SCAF8: variants seen among roughly 807,000 people sequenced by gnomAD.
The protein encoded by SCAF8 is SR-related and CTD-associated factor 8.
A neutral mutation model predicts 140.5 loss-of-function variants in SCAF8; 23 were observed. The observed-to-expected ratio is 0.16, with a 90% confidence interval of 0.12 to 0.23. The LOEUF (loss-of-function observed/expected upper bound fraction) is 0.23, where lower values mean the gene tolerates loss of function less well. Among genes scored for constraint, SCAF8 ranks in the 10% least tolerant of loss-of-function variants. SCAF8 has a pLI of 1.00. For missense variants in SCAF8, 1,397 were observed against 1,555.7 expected, an observed-to-expected ratio of 0.90 and a Z score of 1.72; for synonymous variants, 575 against 528.9, an observed-to-expected ratio of 1.09 and a Z score of -1.20.
At chr6:154,737,730 C>G (rs1403898451) in intron 1 of SCAF8, among the ~76,000 whole-genome samples, 1 of 151,950 alleles carries the variant, frequency 6.6e-6, no homozygotes, top group Admixed American at 6.6e-5. Context: ...TCGCTGTTGA[C>G]AGGTCACCAC....
At chr6:154,820,369 A>T in intron 15 of SCAF8, 36 bp downstream of exon 15, 1 of 1,555,866 alleles carries the variant, frequency 6.4e-7, no homozygotes, top group Non-Finnish European at 8.8e-7. Flanking sequence ...GTTAAAAAAA[A>T]GTATGCTTAG....
At chr6:154,778,072 G>T in intron 3 of SCAF8, 27 bp downstream of exon 3, 2 of 1,356,180 alleles carry the variant, frequency 1.5e-6, no homozygotes, top group Non-Finnish European at 1.0e-6. Flanking sequence ...CCATACATGT[G>T]CTGTAATTGT....
chr6:154,820,354 T>C, intron 15 of SCAF8, 21 bp downstream of exon 15: 1 of 1,588,106 alleles, frequency 6.3e-7, no homozygotes, highest in Non-Finnish European at 8.6e-7. Context: ...TAAGGTCTTT[T>C]TATTGTTAAA....
In SCAF8 at chr6:154,733,809, G is replaced by T. The variant is rs1425221203; in HGVS notation, c.-92G>T. On this transcript the variant is annotated 5_prime_UTR_variant, in exon 1 of 20. Transcript: ENST00000367178. ...TCTCCCGCCAGCGCCCCCTCCTCGCGGCCACGCAGCAGCCCGCGTCTCGCT... is the reference window on the plus strand; with the variant it reads ...TCTCCCGCCAGCGCCCCCTCCTCGCTGCCACGCAGCAGCCCGCGTCTCGCT... 2.1e-6 allele frequency: 3 copies of T among 1,449,968 alleles called. No homozygotes were observed. The highest frequency in any genetic ancestry group is 1.5e-5 in the African/African-American group (1 of 67,652). 89.8% of individuals were successfully genotyped at this position (1,449,968 alleles called of 1,614,324 possible).
In SCAF8 at chr6:154,742,208, A is replaced by G. The variant is rs543103193; in HGVS notation, c.30+8278A>G. 2.1e-4 allele frequency among the ~76,000 whole-genome samples: 32 copies of G among 152,304 alleles called. No homozygotes were observed. The South Asian group carries it at 5.8e-3, about 28-fold the overall frequency. On this transcript the variant is annotated intron_variant, in intron 1 of 19. Coordinates refer to ENST00000367178, the MANE Select transcript of SCAF8 (RefSeq NM_014892.5). ...GTTGAATTGCTTCACAAAAAGGTTA[A>G]TTGGAGAAAAAAGTTTTATGCTCAA...
At chr6:154,784,124 T>TATATAC (rs1554260641) in intron 3 of SCAF8, among the ~76,000 whole-genome samples, 16 of 37,144 alleles carry the variant, frequency 4.3e-4, no homozygotes, top group African/African-American at 3.2e-3. Flanking sequence ...TCTTGAGATA[T>TATATAC]ATATATATAT....
chr6:154,747,415 T>G (rs1374610273), intron 1 of SCAF8, among the ~76,000 whole-genome samples: 11 of 152,108 alleles, frequency 7.2e-5, no homozygotes, highest in Admixed American at 7.2e-4. Flanking sequence ...TCCCAGCTAC[T>G]TGGGAGGATT....
intron 12 of SCAF8, among the ~76,000 whole-genome samples, chr6:154,813,758 C>T (rs557602893): frequency 2.4e-4 from 36 of 152,106 alleles, no homozygotes; most frequent in Admixed American, 5.9e-4. Flanking sequence ...TTTAATTACA[C>T]GGGTACATAA....
At chr6:154,825,805 C>T (rs1185843335) in intron 17 of SCAF8, among the ~76,000 whole-genome samples, 1 of 151,968 alleles carries the variant, frequency 6.6e-6, no homozygotes, top group Admixed American at 6.6e-5. Flanking sequence ...TGAGCCACCG[C>T]GCACAGCCTA....
intron 1 of SCAF8, among the ~76,000 whole-genome samples, chr6:154,756,956 G>A (rs1347003631): frequency 2.0e-5 from 3 of 152,108 alleles, no homozygotes; most frequent in African/African-American, 7.2e-5. Context: ...CCTGGGAGAC[G>A]GAGGTTGCAG....
intron 1 of SCAF8, among the ~76,000 whole-genome samples, chr6:154,755,295 C>T (rs778909199): frequency 2.6e-5 from 4 of 152,044 alleles, no homozygotes; most frequent in Non-Finnish European, 4.4e-5. Flanking sequence ...GCTCTGTCGC[C>T]CACACTGGCA....
At chr6:154,764,578 C>G (rs1480798334) in intron 1 of SCAF8, among the ~76,000 whole-genome samples, 3 of 152,132 alleles carry the variant, frequency 2.0e-5, no homozygotes, top group Non-Finnish European at 4.4e-5. Context: ...TTTGATGGAA[C>G]AAACTAACTG....
intron 6 of SCAF8, among the ~76,000 whole-genome samples, chr6:154,797,946 C>T (rs1210454260): frequency 6.6e-6 from 1 of 151,248 alleles, no homozygotes; most frequent in African/African-American, 2.4e-5. Flanking sequence ...TACGTCTCAC[C>T]CTTCACTATT....
intron 1 of SCAF8, among the ~76,000 whole-genome samples, chr6:154,757,243 C>G (rs1778989301): frequency 6.6e-6 from 1 of 152,134 alleles, no homozygotes; most frequent in Non-Finnish European, 1.5e-5. Flanking sequence ...GATCTGCCTG[C>G]CTTGGCCTCC....
At chr6:154,737,750 A>G (rs1000975983) in intron 1 of SCAF8, among the ~76,000 whole-genome samples, 1 of 151,704 alleles carries the variant, frequency 6.6e-6, no homozygotes, top group Non-Finnish European at 1.5e-5. Context: ...CGCCGGGCTA[A>G]TTGTTTTTGT....
chr6:154,817,853 A>G (rs1562462082), intron 13 of SCAF8, among the ~76,000 whole-genome samples: 1 of 152,172 alleles, frequency 6.6e-6, no homozygotes, highest in Non-Finnish European at 1.5e-5. Flanking sequence ...GGTGTAGAAT[A>G]GTTAAATGCT....
At position 154,733,945 on chromosome 6, in the gene SCAF8, C is replaced by T. The variant is rs1419027967; in HGVS notation, c.30+15C>T. On this transcript the variant is annotated intron_variant, in intron 1 of 19. Coordinates refer to ENST00000367178, the MANE Select transcript of SCAF8 (RefSeq NM_014892.5). Reference sequence around the variant, plus strand: ...TCAATAGCGAGGTTGGTATGGCAGCCGGGTTCCCCTGCTCCTGCCCGCACC... The same window carrying T: ...TCAATAGCGAGGTTGGTATGGCAGCTGGGTTCCCCTGCTCCTGCCCGCACC... 2 of 1,528,646 alleles carry T rather than the reference C, an allele frequency of 1.3e-6. No homozygotes were observed. The highest frequency in any genetic ancestry group is 2.9e-5 in the African/African-American group (2 of 69,200). 94.7% of individuals were successfully genotyped at this position (1,528,646 alleles called of 1,614,324 possible).
At chr6:154,794,074 A>T (rs895711884) in intron 5 of SCAF8, among the ~76,000 whole-genome samples, 1 of 151,690 alleles carries the variant, frequency 6.6e-6, no homozygotes, top group Non-Finnish European at 1.5e-5. Flanking sequence ...GGCATGCACT[A>T]CCATGCCTGG....
intron 3 of SCAF8, among the ~76,000 whole-genome samples, chr6:154,784,942 A>G (rs568522889): frequency 6.6e-6 from 1 of 152,338 alleles, no homozygotes; most frequent in Admixed American, 6.5e-5. Context: ...GAAGCCCACA[A>G]GCCCCAAGTG....
Sources: allele counts gnomAD v4.1 joint callset (sites outside exome capture counted in the v4.1 genomes callset), GRCh38; gene constraint gnomAD v4.1.1; transcripts MANE v1.5; gene names NCBI Gene and HGNC (gene_info 2026-07-23, HGNC 2026-07-21).